KANK1: variants seen among roughly 807,000 people sequenced by gnomAD.
The protein encoded by KANK1 is KN motif and ankyrin repeat domain-containing protein 1.
A neutral mutation model predicts 106.2 loss-of-function variants in KANK1; 109 were observed. The observed-to-expected ratio is 1.03, with a 90% CI of 0.88 to 1.20. The LOEUF is 1.20. Among genes scored for constraint, KANK1 ranks in the 50% most tolerant of loss-of-function variants. The pLI, the probability that KANK1 is intolerant of heterozygous loss-of-function variation, is 0.00. For synonymous variants in KANK1, 873 were observed against 652.2 expected (o/e 1.34, Z -5.16); for missense variants, 2,399 against 1,710.7 (o/e 1.40, Z -7.10).
intron 5 of KANK1, 92 bp downstream of exon 5, chr9:731,358 G>A (rs539174094): frequency 2.6e-5 from 18 of 699,438 alleles, no homozygotes; most frequent in Middle Eastern, 5.0e-4. Flanking sequence ...TCGGGGAAGC[G>A]GCCACAGCGC....
intron 1 of KANK1, among the ~76,000 whole-genome samples, chr9:528,019 G>T (rs1281376508): frequency 6.6e-6 from 1 of 151,926 alleles, no homozygotes; most frequent in East Asian, 1.9e-4. Context: ...TATAGTCCCA[G>T]CTACTCGGGA....
chr9:614,515 C>G (rs1476429006), intron 1 of KANK1, among the ~76,000 whole-genome samples: 3 of 152,160 alleles, frequency 2.0e-5, no homozygotes, highest in Non-Finnish European at 4.4e-5. Context: ...ATCCTAGTGG[C>G]AATCTCTTAA....
chr9:494,832 A>G (rs944656905), intron 3 of KANK1, among the ~76,000 whole-genome samples: 2 of 152,228 alleles, frequency 1.3e-5, no homozygotes, highest in Non-Finnish European at 2.9e-5. Flanking sequence ...AACTGGCACA[A>G]TAAAAATAGT....
At chr9:684,920 T>C (rs575900304) in intron 2 of KANK1, among the ~76,000 whole-genome samples, 2 of 152,142 alleles carry the variant, frequency 1.3e-5, no homozygotes, top group African/African-American at 4.8e-5. Context: ...AAAAAATTAA[T>C]TGCATTGGGT....
chr9:506,605 G>A (rs534286596), intron 1 of KANK1, among the ~76,000 whole-genome samples: 3 of 152,024 alleles, frequency 2.0e-5, no homozygotes, highest in Non-Finnish European at 4.4e-5. Flanking sequence ...AGGCTTAAAA[G>A]TAATTTTTTA....
At chr9:505,768 A>G (rs1332415913) in intron 1 of KANK1, among the ~76,000 whole-genome samples, 1 of 152,230 alleles carries the variant, frequency 6.6e-6, no homozygotes, top group Admixed American at 6.5e-5. Context: ...TTAGACCCTG[A>G]TACCCGAGGC....
chr9:604,373 G>C (rs1588169332), intron 1 of KANK1, among the ~76,000 whole-genome samples: 1 of 151,666 alleles, frequency 6.6e-6, no homozygotes, highest in South Asian at 2.1e-4. Flanking sequence ...TGGATCATGA[G>C]GATGGTTTAC....
intron 1 of KANK1, among the ~76,000 whole-genome samples, chr9:536,805 C>T (rs2060324633): frequency 6.6e-6 from 1 of 152,172 alleles, no homozygotes; most frequent in Non-Finnish European, 1.5e-5. Context: ...TTGGGGGGCG[C>T]ATTTTTCTGC....
intron 3 of KANK1, among the ~76,000 whole-genome samples, chr9:496,385 C>T (rs1266773004): frequency 6.6e-6 from 1 of 152,122 alleles, no homozygotes; most frequent in Non-Finnish European, 1.5e-5. Flanking sequence ...CAAATCCCAT[C>T]CCTACTAAAA....
chr9:556,695 TTTCTCTC>T (rs1271791610), intron 1 of KANK1, among the ~76,000 whole-genome samples: 3 of 752 alleles, frequency 4.0e-3, no homozygotes, highest in African/African-American at 8.2e-3. Flanking sequence ...CTTTGGTACT[TTTCTCTC>T]TAGCTCTTGC....
intron 1 of KANK1, among the ~76,000 whole-genome samples, chr9:542,078 G>A (rs542344108): frequency 9.3e-5 from 14 of 150,932 alleles, no homozygotes; most frequent in Non-Finnish European, 1.5e-4. Flanking sequence ...GACAGAGCGA[G>A]ACTCCGTCTC....
At chr9:518,444 C>G (rs1460273170) in intron 1 of KANK1, among the ~76,000 whole-genome samples, 2 of 151,600 alleles carry the variant, frequency 1.3e-5, no homozygotes, top group Non-Finnish European at 2.9e-5. Flanking sequence ...GGCTTTTTAC[C>G]TATACTTTTC....
intron 1 of KANK1, among the ~76,000 whole-genome samples, chr9:616,973 G>A (rs771436499): frequency 5.3e-5 from 8 of 152,184 alleles, no homozygotes; most frequent in Non-Finnish European, 1.0e-4. Flanking sequence ...TTAGGAAGGA[G>A]CAGGAAATTT....
chr9:725,781 G>C (rs1431035543), intron 3 of KANK1, among the ~76,000 whole-genome samples: 2 of 152,128 alleles, frequency 1.3e-5, no homozygotes, highest in African/African-American at 4.8e-5. Flanking sequence ...TTTAGGGCTT[G>C]TTATTCGTTC....
Position 743,994 on chromosome 9 carries a change from T to C in KANK1, c.3898-497T>C, listed in dbSNP as rs1163673151. Among the ~76,000 whole-genome samples the C allele has an allele frequency of 4.6e-5, 7 of 152,350 alleles. No individual in the cohort carries two copies. In the South Asian group the frequency reaches 6.2e-4, roughly 14 times the overall value. On this transcript the variant is annotated intron_variant, in intron 10 of 11. Transcript: ENST00000382297. ...TCACCCATATGTAGTGTTTCCCCTCTTATTTCCAGAAGTTGGATCTGTGCA... is the reference window on the plus strand; with the variant it reads ...TCACCCATATGTAGTGTTTCCCCTCCTATTTCCAGAAGTTGGATCTGTGCA...
intron 3 of KANK1, among the ~76,000 whole-genome samples, chr9:480,338 T>G (rs2058181846): frequency 6.6e-6 from 1 of 152,202 alleles, no homozygotes. Context: ...ATCTCACATG[T>G]GAGTACAAAA....
chr9:613,105 TG>T lies in KANK1; in HGVS notation c.-83-63784del, dbSNP rs539637858. Among the ~76,000 whole-genome samples, 6 of 152,116 alleles carry T rather than the reference TG, an allele frequency of 3.9e-5. No homozygotes were observed. The South Asian group carries it at 1.2e-3, about 32-fold the overall frequency. On this transcript the variant is annotated intron_variant, in intron 1 of 11. Transcript: ENST00000382297. Reference sequence around the variant, plus strand: ...ATATGGAGTAAAGATAGAGGTAGCATGTACTGTAAAAGATCTTGTAAGTAGA... The same window carrying T: ...ATATGGAGTAAAGATAGAGGTAGCATTACTGTAAAAGATCTTGTAAGTAGA...
intron 1 of KANK1, among the ~76,000 whole-genome samples, chr9:615,090 C>T (rs919016549): frequency 1.3e-5 from 2 of 151,996 alleles, no homozygotes; most frequent in South Asian, 2.1e-4. Context: ...AAGGTGTGCG[C>T]CACCATACCC....
At chr9:729,911 G>C in intron 3 of KANK1, 140 bp from the exon 4 acceptor site, 1 of 686,398 alleles carries the variant, frequency 1.5e-6, no homozygotes, top group Non-Finnish European at 2.4e-6. Flanking sequence ...AGGAAAGCTG[G>C]AGCGTCAAAG....
Sources: allele counts gnomAD v4.1 joint callset (sites outside exome capture counted in the v4.1 genomes callset), GRCh38; gene constraint gnomAD v4.1.1; transcripts MANE v1.5; gene names NCBI Gene and HGNC (gene_info 2026-07-23, HGNC 2026-07-21).